NRG1: variants seen among roughly 807,000 people sequenced by gnomAD.
The protein encoded by NRG1 is neuregulin 1.
Under a neutral mutation model 63.8 loss-of-function variants are expected in NRG1, and 18 were observed. That is an observed-to-expected ratio of 0.28 (90% CI 0.19 to 0.42). NRG1 has a LOEUF of 0.42. NRG1 is among the 10% of genes least tolerant of loss of function. NRG1 has a pLI of 1.00. For synonymous variants in NRG1, 302 were observed against 301.3 expected (o/e 1.00, Z -0.02); for missense variants, 762 against 814.7 (o/e 0.94, Z 0.79).
intron 1 of NRG1, among the ~76,000 whole-genome samples, chr8:31,804,957 G>T (rs542707672): frequency 1.3e-5 from 2 of 152,180 alleles, no homozygotes; most frequent in Non-Finnish European, 2.9e-5. Flanking sequence ...TTACTACTGG[G>T]ACTGTTACTG....
intron 1 of NRG1, among the ~76,000 whole-genome samples, chr8:31,920,884 GTAGA>G (rs10532094): frequency 0.28 from 41,653 of 146,966 alleles, 6,432 homozygotes; most frequent in East Asian, 0.59. Context: ...AGATAGATAG[GTAGA>G]TAGATAGATA....
intron 5 of NRG1, among the ~76,000 whole-genome samples, chr8:32,681,113 A>G (rs1808499373): frequency 6.6e-6 from 1 of 152,174 alleles, no homozygotes; most frequent in African/African-American, 2.4e-5. Flanking sequence ...CCTTTCAGTA[A>G]GAGAGTAGGA....
At chr8:32,438,208 C>G (rs969231509) in intron 1 of NRG1, among the ~76,000 whole-genome samples, 3 of 152,136 alleles carry the variant, frequency 2.0e-5, no homozygotes, top group African/African-American at 7.2e-5. Context: ...ACCTTAAAAC[C>G]CTGGCAATAA....
At chr8:32,480,181 C>A (rs145481959) in intron 1 of NRG1, among the ~76,000 whole-genome samples, 1 of 151,962 alleles carries the variant, frequency 6.6e-6, no homozygotes, top group African/African-American at 2.4e-5. Flanking sequence ...TCCCAGCCTA[C>A]GAGGTGACAA....
At chr8:32,568,419 A>T (rs1262506477) in intron 1 of NRG1, among the ~76,000 whole-genome samples, 1 of 152,172 alleles carries the variant, frequency 6.6e-6, no homozygotes, top group Admixed American at 6.5e-5. Context: ...TAAAATCATC[A>T]GGCTTATTCT....
At chr8:31,815,810 C>T (rs748859923) in intron 1 of NRG1, among the ~76,000 whole-genome samples, 116 of 152,052 alleles carry the variant, frequency 7.6e-4, no homozygotes, top group Non-Finnish European at 1.5e-3. Context: ...GTTACTTTTG[C>T]ACCAGCCTAG....
chr8:31,941,522 C>T (rs774870529), intron 1 of NRG1, among the ~76,000 whole-genome samples: 3 of 152,000 alleles, frequency 2.0e-5, no homozygotes, highest in Non-Finnish European at 4.4e-5. Context: ...TATTCAACAT[C>T]GTACCAGGAA....
At chr8:31,885,252 T>A (rs963339114) in intron 1 of NRG1, among the ~76,000 whole-genome samples, 4 of 152,056 alleles carry the variant, frequency 2.6e-5, no homozygotes, top group African/African-American at 9.7e-5. Context: ...TTTGGATGTA[T>A]CAGAAGGGAT....
chr8:32,605,808 A>G, intron 3 of NRG1, 125 bp downstream of exon 3: 2 of 1,114,892 alleles, frequency 1.8e-6, no homozygotes, highest in Non-Finnish European at 1.3e-6. Context: ...AGAGAAAGAA[A>G]ACCAGATGTT....
At chr8:32,570,411 G>A (rs1838325572) in intron 1 of NRG1, among the ~76,000 whole-genome samples, 2 of 152,110 alleles carry the variant, frequency 1.3e-5, no homozygotes, top group African/African-American at 4.8e-5. Flanking sequence ...TATCCATGGA[G>A]AGCTTATATT....
intron 1 of NRG1, among the ~76,000 whole-genome samples, chr8:31,832,447 C>T (rs1825261283): frequency 1.3e-5 from 2 of 151,982 alleles, no homozygotes; most frequent in South Asian, 4.1e-4. Flanking sequence ...TTTGTAGAGA[C>T]AGAGTTTCGC....
At chr8:31,878,461 A>G (rs143376083) in intron 1 of NRG1, among the ~76,000 whole-genome samples, 119 of 152,354 alleles carry the variant, frequency 7.8e-4, no homozygotes, top group Middle Eastern at 3.4e-3. Flanking sequence ...TGAAATAAAA[A>G]AGCAGTATAC....
chr8:31,879,717 A>G lies in NRG1; in HGVS notation c.37+240286A>G, dbSNP rs541154983. On this transcript the variant is annotated intron_variant, in intron 1 of 10. Transcript: ENST00000519301. ...CTCCGCTTCCCTCCTCCTACCCTCC[A>G]CCCTCAAGTAGACCTGAGTGTCTGT... Among the ~76,000 whole-genome samples the G allele has an allele frequency of 2.6e-5, 4 of 152,002 alleles. No individual in the cohort carries two copies. The South Asian group carries it at 8.3e-4, about 32-fold the overall frequency.
intron 1 of NRG1, among the ~76,000 whole-genome samples, chr8:32,381,503 A>T (rs1810345341): frequency 6.6e-6 from 1 of 152,200 alleles, no homozygotes. Flanking sequence ...TCCTCAATAA[A>T]TACTTGATAA....
At chr8:32,085,160 G>T (rs1828033471) in intron 1 of NRG1, among the ~76,000 whole-genome samples, 1 of 152,080 alleles carries the variant, frequency 6.6e-6, no homozygotes, top group Non-Finnish European at 1.5e-5. Context: ...TGATTCTCTG[G>T]CATTTAAAAT....
intron 1 of NRG1, among the ~76,000 whole-genome samples, chr8:31,765,212 G>T (rs1817942523): frequency 6.6e-6 from 1 of 151,938 alleles, no homozygotes; most frequent in Admixed American, 6.6e-5. Flanking sequence ...TCACTTATTA[G>T]TTCTATGCAC....
intron 1 of NRG1, among the ~76,000 whole-genome samples, chr8:31,961,400 A>C (rs1805428241): frequency 6.6e-6 from 1 of 152,216 alleles, no homozygotes; most frequent in East Asian, 1.9e-4. Context: ...TGAATACAAC[A>C]TCTCACTCTG....
chr8:31,770,408 G>A (rs1234192709), intron 1 of NRG1, among the ~76,000 whole-genome samples: 2 of 152,118 alleles, frequency 1.3e-5, no homozygotes, highest in African/African-American at 4.8e-5. Flanking sequence ...TTAGGAAAGT[G>A]GAGGAGGAGT....
chr8:32,622,833 T>C (rs796444373), intron 5 of NRG1, among the ~76,000 whole-genome samples: 25 of 152,302 alleles, frequency 1.6e-4, no homozygotes, highest in African/African-American at 6.0e-4. Context: ...AGAGAGCTAG[T>C]GTGTGGAAAA....
Sources: allele counts gnomAD v4.1 joint callset (sites outside exome capture counted in the v4.1 genomes callset), GRCh38; gene constraint gnomAD v4.1.1; transcripts MANE v1.5; gene names NCBI Gene and HGNC (gene_info 2026-07-23, HGNC 2026-07-21).